The following FRMD6 variants were observed in gnomAD, a reference collection of about 807,000 sequenced individuals.
FRMD6 encodes FERM domain containing 6, also known as FERM domain-containing protein 6.
Under a neutral mutation model 73.2 loss-of-function variants are expected in FRMD6, and 37 were observed. The observed-to-expected ratio is 0.51, with a 90% confidence interval of 0.39 to 0.66. The LOEUF (loss-of-function observed/expected upper bound fraction) is 0.66, where lower values mean the gene tolerates loss of function less well. Among genes scored for constraint, FRMD6 ranks in the 30% least tolerant of loss-of-function variants. The probability of loss-of-function intolerance (pLI) is 0.00; values close to 1 mark genes in which losing one functional copy is unlikely to be tolerated. For synonymous variants in FRMD6, 273 were observed against 282.2 expected (o/e 0.97, Z 0.33); for missense variants, 714 against 780.5 (o/e 0.91, Z 1.02).
At chr14:51,520,178 C>T (rs752010012) in intron 1 of FRMD6, among the ~76,000 whole-genome samples, 4 of 152,178 alleles carry the variant, frequency 2.6e-5, no homozygotes, top group Non-Finnish European at 5.9e-5. Flanking sequence ...TCAACAAATA[C>T]TTTGCCAAAG....
the FRMD6 span, among the ~76,000 whole-genome samples, chr14:51,450,137 A>G: frequency 5.9e-5 from 9 of 152,226 alleles, no homozygotes; most frequent in Non-Finnish European, 1.2e-4. Flanking sequence ...TCGTGTCAAG[A>G]TCCTGTGACT....
At chr14:51,412,656 C>G in the FRMD6 span, among the ~76,000 whole-genome samples, 1 of 151,944 alleles carries the variant, frequency 6.6e-6, no homozygotes, top group African/African-American at 2.4e-5. Context: ...TCAAGACCAT[C>G]CTGGCTAACA....
Position 51,704,774 on chromosome 14 carries a change from TA to T in FRMD6, c.398del (p.Tyr133SerfsTer4). On this transcript the variant is annotated frameshift_variant, in exon 6 of 14. Coordinates refer to ENST00000344768, the MANE Select transcript of FRMD6 (RefSeq NM_001267046.2). LOFTEE classifies it high-confidence loss of function. ...ISDRAARYYY[Y>X]WHLRKQVLHS... ...TGACAGAGCAGCAAGATACTATTAT[TA>T]CTGGCACCTGAGAAAACAAGTTCTT... 6.2e-7 allele frequency: 1 copy of T among 1,612,876 alleles called. No individual in the cohort carries two copies. The highest frequency in any genetic ancestry group is 8.5e-7 in the Non-Finnish European group (1 of 1,179,324).
At chr14:51,636,269 C>T (rs556028972) in intron 2 of FRMD6, among the ~76,000 whole-genome samples, 1 of 152,242 alleles carries the variant, frequency 6.6e-6, no homozygotes, top group South Asian at 2.1e-4. Flanking sequence ...GACCTAAGGG[C>T]AGGATTTAAA....
At chr14:51,423,163 T>C in the FRMD6 span, among the ~76,000 whole-genome samples, 1,036 of 152,340 alleles carry the variant, frequency 6.8e-3, 15 homozygotes, top group African/African-American at 0.024. Context: ...TTATTCTGTC[T>C]GTTTCAGCAC....
the FRMD6 span, among the ~76,000 whole-genome samples, chr14:51,474,946 T>A: frequency 2.0e-5 from 3 of 152,194 alleles, no homozygotes; most frequent in Non-Finnish European, 4.4e-5. Flanking sequence ...TTTTCTAAAC[T>A]GAGGGAAAGC....
intron 2 of FRMD6, among the ~76,000 whole-genome samples, chr14:51,585,052 T>C (rs1322601337): frequency 6.6e-6 from 1 of 152,218 alleles, no homozygotes; most frequent in Non-Finnish European, 1.5e-5. Context: ...GTAGCTGTCA[T>C]TGTTGCCATC....
chr14:51,638,404 G>A (rs1891666617), intron 2 of FRMD6, among the ~76,000 whole-genome samples: 1 of 152,136 alleles, frequency 6.6e-6, no homozygotes, highest in Admixed American at 6.5e-5. Flanking sequence ...ATTGAGACTG[G>A]GAGCCTCCAG....
chr14:51,474,434 G>T, the FRMD6 span, among the ~76,000 whole-genome samples: 1 of 152,184 alleles, frequency 6.6e-6, no homozygotes, highest in Non-Finnish European at 1.5e-5. Context: ...AAAGATTTAG[G>T]CCTCAGAATC....
At chr14:51,497,820 C>A (rs1178767379) in intron 1 of FRMD6, among the ~76,000 whole-genome samples, 1 of 152,186 alleles carries the variant, frequency 6.6e-6, no homozygotes, top group Non-Finnish European at 1.5e-5. Flanking sequence ...TCCTGGGCAG[C>A]CCAGCTCTAT....
At chr14:51,463,896 C>A in the FRMD6 span, among the ~76,000 whole-genome samples, 1 of 152,224 alleles carries the variant, frequency 6.6e-6, no homozygotes, top group African/African-American at 2.4e-5. Flanking sequence ...CCACTCCCTG[C>A]AGCCTTAGCC....
intron 1 of FRMD6, among the ~76,000 whole-genome samples, chr14:51,517,439 G>A (rs920620199): frequency 6.6e-6 from 1 of 152,098 alleles, no homozygotes; most frequent in Non-Finnish European, 1.5e-5. Flanking sequence ...AATAAAGAGA[G>A]CTGTTTACCC....
chr14:51,531,100 T>C (rs939081066), intron 1 of FRMD6, among the ~76,000 whole-genome samples: 2 of 152,210 alleles, frequency 1.3e-5, no homozygotes, highest in Non-Finnish European at 2.9e-5. Flanking sequence ...AATCTGTTTA[T>C]AATGGTAGAG....
intron 2 of FRMD6, among the ~76,000 whole-genome samples, chr14:51,633,612 AAAAAAAAAAGAAATAATT>A (rs1365579536): frequency 6.7e-6 from 1 of 148,860 alleles, no homozygotes; most frequent in Non-Finnish European, 1.5e-5. Flanking sequence ...AAAAAAAAAA[AAAAAAAAAAGAAATAATT>A]ATATGTCATA....
the FRMD6 span, among the ~76,000 whole-genome samples, chr14:51,446,445 G>GAGACACACACACACACACACAC: frequency 1.4e-5 from 2 of 139,120 alleles, no homozygotes; most frequent in Non-Finnish European, 3.1e-5. Context: ...CTCTTGTGTA[G>GAGACACACACACACACACACAC]ACACACACAC....
intron 2 of FRMD6, among the ~76,000 whole-genome samples, chr14:51,642,020 T>C (rs1022785342): frequency 6.6e-6 from 1 of 152,206 alleles, no homozygotes; most frequent in African/African-American, 2.4e-5. Flanking sequence ...GATGCCAAAA[T>C]TTATTAATAA....
chr14:51,501,344 A>G (rs190312201), intron 1 of FRMD6, among the ~76,000 whole-genome samples: 1 of 152,050 alleles, frequency 6.6e-6, no homozygotes, highest in African/African-American at 2.4e-5. Context: ...TCCATAAACT[A>G]TGCTTCCTGA....
intron 2 of FRMD6, among the ~76,000 whole-genome samples, chr14:51,633,791 G>A (rs1566515483): frequency 6.6e-6 from 1 of 152,050 alleles, no homozygotes; most frequent in Non-Finnish European, 1.5e-5. Flanking sequence ...TTTGTGATTA[G>A]CATAATAAAG....
chr14:51,696,809 G>T (rs190169370), intron 2 of FRMD6, among the ~76,000 whole-genome samples: 1 of 151,406 alleles, frequency 6.6e-6, no homozygotes, highest in South Asian at 2.1e-4. Flanking sequence ...AGACCAACTC[G>T]TTGTACAGTA....
Sources: gnomAD v4.1 joint callset for allele counts (sites outside exome capture counted in the v4.1 genomes callset) on GRCh38, gnomAD v4.1.1 for gene constraint, MANE v1.5 for transcripts, NCBI Gene and HGNC (gene_info 2026-07-23, HGNC 2026-07-21) for gene names.